CLCN1: variants seen among roughly 807,000 people sequenced by gnomAD.
CLCN1 encodes the protein chloride channel protein 1.
In CLCN1, 100 loss-of-function variants were observed where a neutral mutation model predicts 114.5. That is an observed-to-expected ratio of 0.87 (90% CI 0.74 to 1.03). The LOEUF (loss-of-function observed/expected upper bound fraction) is 1.03, where lower values mean the gene tolerates loss of function less well. Among genes scored for constraint, CLCN1 ranks in the 50% least tolerant of loss-of-function variants. CLCN1 has a pLI of 0.00. For synonymous variants in CLCN1, 485 were observed against 487.1 expected, an observed-to-expected ratio of 1.00 and a Z score of 0.06; for missense variants, 1,188 against 1,250.0, an observed-to-expected ratio of 0.95 and a Z score of 0.75.
Position 143,351,736 on chromosome 7 carries a change from G to A in CLCN1, c.2738G>A (p.Arg913Lys), listed in dbSNP as rs1285557537. 6.8e-6 allele frequency: 11 copies of A among 1,614,182 alleles called. No individual in the cohort carries two copies. Among genetic ancestry groups the A allele is most frequent in the Non-Finnish European group, 8.5e-6 (10 of 1,180,026 alleles). ...GAGAACTGGAACCTGCCTGAGGACA[G>A]GCCTGGGGCCACTGGAACAGGGGAT... ...SAENWNLPED[R>K]PGATGTGDVI... is the part of the protein sequence containing the mutation. Residue 913 changes from arginine (R) to lysine (K), a missense_variant, in exon 23 of 23, where the codon AGG (arginine) becomes AAG (lysine). Transcript: ENST00000343257.
chr7:143,347,638 A>C (rs1461085227), intron 20 of CLCN1, among the ~76,000 whole-genome samples: 14 of 134,436 alleles, frequency 1.0e-4, no homozygotes, highest in Non-Finnish European at 6.5e-5. Context: ...AAAAAAAAAA[A>C]AAAAACTAAA....
Position 143,351,867 on chromosome 7 carries a change from G to C in CLCN1, c.2869G>C (p.Val957Leu). 1 of 1,613,970 alleles carries C rather than the reference G, an allele frequency of 6.2e-7. No individual in the cohort carries two copies. Among genetic ancestry groups the C allele is most frequent in the Non-Finnish European group, 8.5e-7 (1 of 1,179,842 alleles). The change falls in exon 23 of 23, where the codon GTG becomes CTG. Residue 957 changes from valine to leucine, a missense_variant. Val to Leu is a conservative substitution (Grantham distance 32). Transcript: ENST00000343257. Reference protein sequence around the residue: ...VEGELEELELVESPGLEEELA... With the variant: ...VEGELEELELLESPGLEEELA... ...GGGCGAGTTGGAGGAGCTGGAGCTG[G>C]TGGAGAGTCCAGGGCTGGAAGAGGA...
At chr7:143,331,750 G>C in intron 10 of CLCN1, 98 bp downstream of exon 10, 1 of 829,758 alleles carries the variant, frequency 1.2e-6, no homozygotes, top group Non-Finnish European at 2.1e-6. Flanking sequence ...AATGCCTCTG[G>C]GTGGCTTGCA....
At chr7:143,340,781 T>C (rs1586509174) in intron 14 of CLCN1, among the ~76,000 whole-genome samples, 1 of 152,144 alleles carries the variant, frequency 6.6e-6, no homozygotes, top group East Asian at 1.9e-4. Flanking sequence ...CATCCACCTG[T>C]CTCGGCCTCC....
Position 143,318,095 on chromosome 7 carries a change from G to A in CLCN1, c.181-1660G>A, listed in dbSNP as rs560860342. Among the ~76,000 whole-genome samples, 18 of 152,216 alleles carry A rather than the reference G, an allele frequency of 1.2e-4. No homozygotes were observed. The South Asian group carries it at 2.5e-3, about 21-fold the overall frequency. On this transcript the variant is annotated intron_variant, in intron 1 of 22. Coordinates refer to ENST00000343257, the MANE Select transcript of CLCN1 (RefSeq NM_000083.3). ...ATTATGGAAGACTTACACAAAAATG[G>A]AATGGTATAGTGAAGCCCCAAGTAC...
At chr7:143,319,195 T>G (rs1802364304) in intron 1 of CLCN1, among the ~76,000 whole-genome samples, 1 of 152,182 alleles carries the variant, frequency 6.6e-6, no homozygotes, top group Non-Finnish European at 1.5e-5. Context: ...AGTTCTTGTG[T>G]GTGCATACAA....
intron 7 of CLCN1, among the ~76,000 whole-genome samples, chr7:143,330,422 A>G (rs2116851725): frequency 6.6e-6 from 1 of 151,968 alleles, no homozygotes; most frequent in East Asian, 1.9e-4. Context: ...TTTTTCAACT[A>G]CCTTTTAGTC....
In CLCN1 at chr7:143,331,217, C is replaced by A; in HGVS notation, c.980-15C>A. ...ACGAAGCTCCCATCGTAATACTGGCCTTTCCATCCTACAGTCACCATCACT... is the reference window on the plus strand; with the variant it reads ...ACGAAGCTCCCATCGTAATACTGGCATTTCCATCCTACAGTCACCATCACT... On this transcript the variant is annotated splice_polypyrimidine_tract_variant and intron_variant, in intron 8 of 22. Transcript: ENST00000343257. 1 of 1,590,320 alleles carries A rather than the reference C, an allele frequency of 6.3e-7. No homozygotes were observed. Among genetic ancestry groups the A allele is most frequent in the Non-Finnish European group, 8.6e-7 (1 of 1,158,316 alleles).
intron 9 of CLCN1, 55 bp from the exon 10 acceptor site, chr7:143,331,496 A>G: frequency 7.5e-7 from 1 of 1,330,860 alleles, no homozygotes; most frequent in Admixed American, 1.7e-5. Context: ...AGTTATGTCC[A>G]AGAGATGAGG....
chr7:143,324,510 T>C lies in CLCN1; in HGVS notation c.853+18T>C, dbSNP rs1563075956. 1.9e-6 allele frequency: 3 copies of C among 1,598,458 alleles called. No individual in the cohort carries two copies. The highest frequency in any genetic ancestry group is 2.2e-5 in the South Asian group (2 of 90,764). On this transcript the variant is annotated intron_variant, in intron 7 of 22. Transcript: ENST00000343257. This position sits in a 1 kb window ranked among gnomAD's most constrained non-coding sequence, Gnocchi z 4.6. The stretch of plus-strand genomic sequence containing the variant: ...ACTTGGAGGCAAGTGATTGACCCCC[T>C]CCCCCATCAATCGGCTTGCCTGGCC...
At chr7:143,328,614 T>TGATGCTTTTG (rs1802639141) in intron 7 of CLCN1, among the ~76,000 whole-genome samples, 1 of 152,172 alleles carries the variant, frequency 6.6e-6, no homozygotes, top group Non-Finnish European at 1.5e-5. Flanking sequence ...AGTTGGATAG[T>TGATGCTTTTG]TTACACCCAG....
In CLCN1 at chr7:143,316,185, G is replaced by A. The variant is rs1299599138; in HGVS notation, c.-28G>A. On this transcript the variant is annotated 5_prime_UTR_variant, in exon 1 of 23. Transcript: ENST00000343257. Reference sequence around the variant, plus strand: ...GAAGGACAGGGGCAAGCAGGCCAAGGCCTGGCCGGGGCTCGGGGGGAGGGA... The same window carrying A: ...GAAGGACAGGGGCAAGCAGGCCAAGACCTGGCCGGGGCTCGGGGGGAGGGA... The A allele has an allele frequency of 3.8e-6, 6 of 1,595,720 alleles. No homozygotes were observed. Among genetic ancestry groups the A allele is most frequent in the Non-Finnish European group, 4.3e-6 (5 of 1,165,968 alleles).
Position 143,331,243 on chromosome 7 carries a change from G to A in CLCN1, c.991G>A (p.Ala331Thr). ...VWNKDAVTIT[A>T]LFRTNFRMDF... ...TTTCCATCCTACAGTCACCATCACT[G>A]CTCTGTTCAGAACCAATTTCCGAAT... is the stretch of plus-strand genomic sequence containing the variant. The change falls in exon 9 of 23, where the codon GCT becomes ACT. Residue 331 changes from alanine (A) to threonine (T), a missense_variant. Transcript: ENST00000343257. The A allele has an allele frequency of 6.2e-7, 1 of 1,611,518 alleles. No individual in the cohort carries two copies. Among genetic ancestry groups the A allele is most frequent in the Non-Finnish European group, 8.5e-7 (1 of 1,177,620 alleles).
intron 7 of CLCN1, among the ~76,000 whole-genome samples, chr7:143,329,749 G>A (rs1261780091): frequency 6.6e-6 from 1 of 152,128 alleles, no homozygotes; most frequent in Non-Finnish European, 1.5e-5. Flanking sequence ...TTATGTGCGT[G>A]GTTGCATTTC....
At position 143,332,687 on chromosome 7, in the gene CLCN1, C is replaced by G. The variant is rs192224224; in HGVS notation, c.1252-37C>G. ...CTAAAAAAGGAAGCACAGGAGTTCC[C>G]TGGAGAACCCACCCTTTCTGCTTCT... On this transcript the variant is annotated intron_variant, in intron 11 of 22. Transcript: ENST00000343257. The G allele has an allele frequency of 1.5e-4, 248 of 1,613,142 alleles. 2 individuals are homozygous for G. In the East Asian group the frequency reaches 4.1e-3, roughly 27 times the overall value.
In CLCN1 at chr7:143,330,789, G is replaced by A. The variant is rs121912805; in HGVS notation, c.871G>A (p.Glu291Lys). The change falls in exon 8 of 23, where the codon GAG (glutamate) becomes AAG (lysine). Residue 291 changes from glutamate (E) to lysine (K), a missense_variant. Coordinates refer to ENST00000343257, the MANE Select transcript of CLCN1 (RefSeq NM_000083.3). ...TPLGGVLFSI[E>K]VTSTYFAVRN... ...CCCTGCAGGAGTGCTATTTAGCATC[G>A]AGGTCACCTCCACCTACTTTGCTGT... 8 of 1,613,992 alleles carry A rather than the reference G, an allele frequency of 5.0e-6. No individual in the cohort carries two copies. Among genetic ancestry groups the A allele is most frequent in the South Asian group, 2.2e-5 (2 of 91,078 alleles).
intron 2 of CLCN1, 66 bp from the exon 3 acceptor site, chr7:143,320,598 T>C (rs750679194): frequency 2.5e-5 from 34 of 1,334,832 alleles, no homozygotes; most frequent in Middle Eastern, 2.4e-4. Context: ...TCTCTACATA[T>C]ATATATTTTT....
chr7:143,342,028 T>C lies in CLCN1; in HGVS notation c.1682T>C (p.Val561Ala). Residue 561 changes from valine (V) to alanine (A), a missense_variant, in exon 15 of 23, where the codon GTG becomes GCG. By Grantham distance (64) the Val-to-Ala change is moderately conservative. Transcript: ENST00000343257. ...ATTGCTCACATCCTGCCCATGATGG[T>C]GGCTGTTATCTTGGCCAACATGGTG... ...GQIAHILPMM[V>A]AVILANMVAQ... is the part of the protein sequence containing the mutation. The C allele has an allele frequency of 6.2e-7, 1 of 1,614,186 alleles. No homozygotes were observed.
In CLCN1 at chr7:143,323,358, T is replaced by C. The variant is rs1586487807; in HGVS notation, c.746T>C (p.Phe249Ser). The stretch of plus-strand genomic sequence containing the variant: ...ATCTGTGCTGCTGTCCTCAGCAAAT[T>C]CATGTCTGTGTTCTGCGGGGTATAT... Reference protein sequence around the residue: ...ASICAAVLSKFMSVFCGVYEQ... With the variant: ...ASICAAVLSKSMSVFCGVYEQ... Residue 249 changes from phenylalanine to serine, a missense_variant, in exon 6 of 23, where the codon TTC (phenylalanine) becomes TCC (serine). Phe to Ser is a radical substitution (Grantham distance 155). Coordinates refer to ENST00000343257, the MANE Select transcript of CLCN1 (RefSeq NM_000083.3). 1 of 1,613,832 alleles carries C rather than the reference T, an allele frequency of 6.2e-7. No homozygotes were observed. The highest frequency in any genetic ancestry group is 8.5e-7 in the Non-Finnish European group (1 of 1,179,806).
Sources: gnomAD v4.1 joint callset for allele counts (sites outside exome capture counted in the v4.1 genomes callset) on GRCh38, gnomAD v4.1.1 for gene constraint, Gnocchi (gnomAD v3.1) non-coding constraint, MANE v1.5 for transcripts, NCBI Gene and HGNC (gene_info 2026-07-23, HGNC 2026-07-21) for gene names.